Variants in CDK19 observed in about 807,000 individuals in gnomAD.
CDK19 encodes the protein cyclin-dependent kinase 19.
CDK19 carries 20 observed loss-of-function variants against 68.3 expected under a neutral mutation model. That is an observed-to-expected ratio of 0.29 (90% CI 0.21 to 0.43). The LOEUF is 0.43. Among genes scored for constraint, CDK19 ranks in the 20% least tolerant of loss-of-function variants. CDK19 has a pLI of 1.00. For missense variants in CDK19, 339 were observed against 623.5 expected (o/e 0.54, Z 4.86); for synonymous variants, 221 against 222.8 (o/e 0.99, Z 0.07).
chr6:110,766,694 T>G (rs1779611156), intron 1 of CDK19, among the ~76,000 whole-genome samples: 1 of 152,142 alleles, frequency 6.6e-6, no homozygotes, highest in Admixed American at 6.5e-5. Context: ...TTCACTTATG[T>G]GTAGGAGTAC....
intron 1 of CDK19, among the ~76,000 whole-genome samples, chr6:110,797,868 C>T (rs1266527224): frequency 6.6e-6 from 1 of 151,700 alleles, no homozygotes; most frequent in Non-Finnish European, 1.5e-5. Flanking sequence ...GCCTGTAATC[C>T]CAGCTAGTCG....
chr6:110,800,459 C>A (rs1167931003), intron 1 of CDK19, among the ~76,000 whole-genome samples: 1 of 152,148 alleles, frequency 6.6e-6, no homozygotes, highest in Non-Finnish European at 1.5e-5. Context: ...TTCTACGAAA[C>A]CAGTATCATC....
intron 1 of CDK19, among the ~76,000 whole-genome samples, chr6:110,794,735 A>G (rs111903724): frequency 0.034 from 5,103 of 152,074 alleles, 105 homozygotes; most frequent in South Asian, 0.084. Flanking sequence ...AACAATTTCT[A>G]TACCAAAACA....
chr6:110,786,919 T>C (rs1394183106), intron 1 of CDK19, among the ~76,000 whole-genome samples: 1 of 152,156 alleles, frequency 6.6e-6, no homozygotes, highest in Admixed American at 6.6e-5. Flanking sequence ...GCTTTATAGA[T>C]AAGGGCAGTC....
At chr6:110,677,232 C>T (rs952043670) in intron 2 of CDK19, among the ~76,000 whole-genome samples, 1 of 152,104 alleles carries the variant, frequency 6.6e-6, no homozygotes, top group Non-Finnish European at 1.5e-5. Flanking sequence ...AGAGATGAGG[C>T]AAAGACCATA....
rs1777958366 is a variant in CDK19 at position 110,610,372 on chromosome 6, T to C, written c.*4163A>G. The C allele has an allele frequency of 6.6e-6, 1 of 152,602 alleles. No individual in the cohort carries two copies. Among genetic ancestry groups the C allele is most frequent in the South Asian group, 2.1e-4 (1 of 4,826 alleles). 9.5% of individuals were successfully genotyped at this position (152,602 alleles called of 1,614,324 possible). On this transcript the variant is annotated 3_prime_UTR_variant, in exon 13 of 13. Transcript: ENST00000368911. ...TAAATTGTTGTTAAAAAGGACACCT[T>C]CAGTCCAGATTTTGTGTAATACTTT...
At chr6:110,806,863 C>A (rs759316331) in intron 1 of CDK19, among the ~76,000 whole-genome samples, 1 of 151,572 alleles carries the variant, frequency 6.6e-6, no homozygotes, top group African/African-American at 2.4e-5. Flanking sequence ...CTGTGGTCCC[C>A]GCTACTCAGG....
chr6:110,683,174 CAAAAAAAAAAAA>C (rs58912406), intron 2 of CDK19, among the ~76,000 whole-genome samples: 11 of 49,598 alleles, frequency 2.2e-4, no homozygotes, highest in Middle Eastern at 0.016. Flanking sequence ...AGACTGTCTC[CAAAAAAAAAAAA>C]AAAAAAAAAA....
chr6:110,659,450 T>C (rs552115826), intron 4 of CDK19, among the ~76,000 whole-genome samples: 4 of 152,366 alleles, frequency 2.6e-5, no homozygotes, highest in Middle Eastern at 3.4e-3. Context: ...TCAATGCCTC[T>C]TGGCTAGCTG....
intron 1 of CDK19, among the ~76,000 whole-genome samples, chr6:110,776,572 C>T (rs1780413013): frequency 1.3e-5 from 2 of 152,186 alleles, no homozygotes; most frequent in South Asian, 4.1e-4. Flanking sequence ...AGCTAAATGG[C>T]AGCCAGAAGA....
At chr6:110,729,426 G>T (rs1179105190) in intron 2 of CDK19, among the ~76,000 whole-genome samples, 1 of 151,690 alleles carries the variant, frequency 6.6e-6, no homozygotes, top group Non-Finnish European at 1.5e-5. Context: ...ATGTTATTTT[G>T]TTGTTTGTTT....
At chr6:110,783,380 G>A (rs759124547) in intron 1 of CDK19, among the ~76,000 whole-genome samples, 12 of 152,184 alleles carry the variant, frequency 7.9e-5, no homozygotes, top group Non-Finnish European at 1.3e-4. Context: ...GCTCACACCT[G>A]TAATTTCAGC....
At chr6:110,783,887 C>T (rs1182619450) in intron 1 of CDK19, among the ~76,000 whole-genome samples, 5 of 151,956 alleles carry the variant, frequency 3.3e-5, no homozygotes, top group East Asian at 1.9e-4. Context: ...AGGCTGGGCA[C>T]GGTGGCTCAC....
chr6:110,620,617 T>C (rs1778647694), intron 12 of CDK19, among the ~76,000 whole-genome samples: 2 of 152,192 alleles, frequency 1.3e-5, no homozygotes, highest in African/African-American at 4.8e-5. Context: ...TTTTCTAGTC[T>C]CAAAATTATT....
At chr6:110,678,945 T>C (rs781435063) in intron 2 of CDK19, among the ~76,000 whole-genome samples, 33 of 152,200 alleles carry the variant, frequency 2.2e-4, no homozygotes, top group Non-Finnish European at 4.1e-4. Flanking sequence ...ATATTCCTGA[T>C]CTGTACACGT....
rs1390079680 is a variant in CDK19, at chr6:110,611,921, G to A, written c.*2614C>T. The A allele has an allele frequency of 6.6e-6, 1 of 152,274 alleles. No homozygotes were observed. The highest frequency in any genetic ancestry group is 1.5e-5 in the Non-Finnish European group (1 of 68,086). The allele number at this position is 152,274 out of a possible 1,614,324, so 9.4% of individuals were successfully genotyped here. A position where few individuals can be genotyped will look rare whatever the true frequency, so the allele number is the denominator to read the frequency against. ...AGAAAAGAGCCAGTACCAGTGCAGG[G>A]ATAGGAACTCAGTCATGTGTGGAAT... On this transcript the variant is annotated 3_prime_UTR_variant, in exon 13 of 13. Transcript: ENST00000368911.
rs749245298 is a variant in CDK19, at chr6:110,815,168, G to C, written c.-32C>G. ...CTTCCCCCATAGAGGCACGGGACGC[G>C]GGGGCCGCCGCCGCTCAGTCCCTCC... is the stretch of plus-strand genomic sequence containing the variant. On this transcript the variant is annotated 5_prime_UTR_variant, in exon 1 of 13. Transcript: ENST00000368911. 1.9e-6 allele frequency: 3 copies of C among 1,556,902 alleles called. No homozygotes were observed. The highest frequency in any genetic ancestry group is 8.7e-7 in the Non-Finnish European group (1 of 1,153,014).
intron 1 of CDK19, among the ~76,000 whole-genome samples, chr6:110,773,164 G>C (rs762974892): frequency 9.9e-5 from 15 of 151,972 alleles, no homozygotes; most frequent in African/African-American, 3.6e-4. Flanking sequence ...GGCCAACATG[G>C]TGAAACCCCA....
At chr6:110,812,861 G>A (rs1026756479) in intron 1 of CDK19, among the ~76,000 whole-genome samples, 10 of 149,884 alleles carry the variant, frequency 6.7e-5, no homozygotes, top group African/African-American at 2.0e-4. Flanking sequence ...GGACACAGAT[G>A]TTCTTTCAAA....
Sources: gnomAD v4.1 joint callset for allele counts (sites outside exome capture counted in the v4.1 genomes callset) on GRCh38, gnomAD v4.1.1 for gene constraint, MANE v1.5 for transcripts, NCBI Gene and HGNC (gene_info 2026-07-23, HGNC 2026-07-21) for gene names.